SGCG: variants seen among roughly 807,000 people sequenced by gnomAD.
SGCG encodes the protein gamma-sarcoglycan.
Under a neutral mutation model 29.3 loss-of-function variants are expected in SGCG, and 26 were observed. The ratio of observed to expected loss-of-function variants is 0.89; its 90% CI spans 0.65 to 1.23. SGCG has a LOEUF of 1.23. Ranked by LOEUF, SGCG falls within the 50% of genes most tolerant of loss-of-function variation. The pLI is 0.00. For synonymous variants in SGCG, 145 were observed against 129.7 expected (o/e 1.12, Z -0.80); for missense variants, 353 against 356.0 (o/e 0.99, Z 0.07).
At chr13:23,285,637 T>C (rs1485048039) in intron 5 of SGCG, among the ~76,000 whole-genome samples, 1 of 152,138 alleles carries the variant, frequency 6.6e-6, no homozygotes, top group African/African-American at 2.4e-5. Flanking sequence ...TTGCTGGCAT[T>C]CCAGGTGCCA....
At chr13:23,272,399 C>G (rs535632706) in intron 4 of SGCG, among the ~76,000 whole-genome samples, 12 of 152,204 alleles carry the variant, frequency 7.9e-5, no homozygotes, top group African/African-American at 2.9e-4. Context: ...TTTTCAGCAT[C>G]TATGAAGATA....
chr13:23,315,814 T>C (rs1043988921), intron 6 of SGCG, among the ~76,000 whole-genome samples: 1 of 152,132 alleles, frequency 6.6e-6, no homozygotes, highest in African/African-American at 2.4e-5. Context: ...CAAAGAAATT[T>C]GGGGAAGAGA....
At chr13:23,290,945 G>T (rs979615774) in intron 5 of SGCG, among the ~76,000 whole-genome samples, 1 of 152,154 alleles carries the variant, frequency 6.6e-6, no homozygotes, top group Non-Finnish European at 1.5e-5. Context: ...TGATTGCTGG[G>T]CTCTGTACCA....
At chr13:23,208,793 T>C (rs9552880) in intron 2 of SGCG, among the ~76,000 whole-genome samples, 15,465 of 152,164 alleles carry the variant, frequency 0.1, 1,032 homozygotes, top group East Asian at 0.37. Flanking sequence ...ATCAGTGTAG[T>C]AGAGTACCTT....
At chr13:23,224,874 AG>A (rs1054355711) in intron 2 of SGCG, among the ~76,000 whole-genome samples, 1 of 151,966 alleles carries the variant, frequency 6.6e-6, no homozygotes, top group Non-Finnish European at 1.5e-5. Context: ...CTCCGAGAGT[AG>A]GGCCCAGGTG....
intron 5 of SGCG, among the ~76,000 whole-genome samples, chr13:23,288,762 C>T (rs12864851): frequency 0.085 from 12,908 of 152,250 alleles, 718 homozygotes; most frequent in South Asian, 0.14. Flanking sequence ...ATTGCCAGAA[C>T]TGACTTCTGG....
At chr13:23,275,120 A>AATATATAT (rs55873099) in intron 4 of SGCG, among the ~76,000 whole-genome samples, 20,923 of 129,504 alleles carry the variant, frequency 0.16, 2,025 homozygotes, top group Middle Eastern at 0.22. Context: ...TAATGGATGG[A>AATATATAT]ATATATATAT....
chr13:23,316,570 G>A (rs1474411980), intron 6 of SGCG, among the ~76,000 whole-genome samples: 1 of 152,162 alleles, frequency 6.6e-6, no homozygotes. Context: ...AGAAGGCCGT[G>A]TATGCTCTGA....
chr13:23,254,793 CT>C lies in SGCG; in HGVS notation c.385+4077del, dbSNP rs558215327. Among the ~76,000 whole-genome samples, 9 of 152,338 alleles carry C rather than the reference CT, an allele frequency of 5.9e-5. No individual in the cohort carries two copies. The South Asian group carries it at 1.7e-3, about 28-fold the overall frequency. On this transcript the variant is annotated intron_variant, in intron 4 of 7. Transcript: ENST00000218867. ...AGGGACACTGCTTCCCACATCACAG[CT>C]GCTCTAGCTCCAGCTGTGCCTCAAA... is the stretch of plus-strand genomic sequence containing the variant.
At chr13:23,168,319 T>C in the SGCG span, among the ~76,000 whole-genome samples, 1 of 152,216 alleles carries the variant, frequency 6.6e-6, no homozygotes, top group East Asian at 1.9e-4. Context: ...GTCTTATTTT[T>C]CATATTTAAA....
chr13:23,231,588 T>C (rs898688898), intron 2 of SGCG, among the ~76,000 whole-genome samples: 2 of 152,172 alleles, frequency 1.3e-5, no homozygotes, highest in Non-Finnish European at 2.9e-5. Context: ...AGTCTTGAAA[T>C]TCTGCTTTGT....
chr13:23,192,625 ACCTCAGGTGATCCACCTG>A (rs1433311113), intron 1 of SGCG, among the ~76,000 whole-genome samples: 2 of 152,100 alleles, frequency 1.3e-5, no homozygotes, highest in African/African-American at 2.4e-5. Flanking sequence ...CAAACTCCTG[ACCTCAGGTGATCCACCTG>A]CCTCAGCCTC....
chr13:23,198,814 C>A (rs1311717738), intron 1 of SGCG, among the ~76,000 whole-genome samples: 1 of 141,322 alleles, frequency 7.1e-6, no homozygotes, highest in African/African-American at 2.6e-5. Context: ...CCACTGCACT[C>A]CAGCCTGGGC....
At chr13:23,287,682 T>G (rs1310348611) in intron 5 of SGCG, among the ~76,000 whole-genome samples, 1 of 152,218 alleles carries the variant, frequency 6.6e-6, no homozygotes, top group Non-Finnish European at 1.5e-5. Context: ...AAAACTTGAC[T>G]TATTCTTTTT....
the SGCG span, among the ~76,000 whole-genome samples, chr13:23,169,341 A>G: frequency 6.6e-6 from 1 of 150,682 alleles, no homozygotes; most frequent in East Asian, 2.0e-4. Flanking sequence ...ATTCTCCCTC[A>G]TTCTTCCATT....
intron 2 of SGCG, among the ~76,000 whole-genome samples, chr13:23,232,040 G>C (rs1011177891): frequency 2.6e-5 from 4 of 151,848 alleles, no homozygotes; most frequent in African/African-American, 9.7e-5. Context: ...AAACACTTGA[G>C]CCCAGGAGGT....
chr13:23,161,525 TG>T, the SGCG span, among the ~76,000 whole-genome samples: 6 of 152,246 alleles, frequency 3.9e-5, no homozygotes, highest in African/African-American at 1.2e-4. Flanking sequence ...CATTTTTCAA[TG>T]TAATATGGGT....
intron 3 of SGCG, among the ~76,000 whole-genome samples, chr13:23,248,351 A>T (rs2137565237): frequency 6.6e-6 from 1 of 152,150 alleles, no homozygotes; most frequent in East Asian, 1.9e-4. Flanking sequence ...TTTCTTCAGG[A>T]AAAGGAATGA....
At chr13:23,209,729 T>C (rs1207660415) in intron 2 of SGCG, among the ~76,000 whole-genome samples, 1 of 152,182 alleles carries the variant, frequency 6.6e-6, no homozygotes, top group Non-Finnish European at 1.5e-5. Context: ...GATGTAAGGG[T>C]TCTGAGCATA....
Sources: allele counts gnomAD v4.1 joint callset (sites outside exome capture counted in the v4.1 genomes callset), GRCh38; gene constraint gnomAD v4.1.1; transcripts MANE v1.5; gene names NCBI Gene and HGNC (gene_info 2026-07-23, HGNC 2026-07-21).